The following WWOX variants were observed in gnomAD, a reference collection of about 807,000 sequenced individuals.
The protein encoded by WWOX is WW domain-containing oxidoreductase.
A neutral mutation model predicts 46.2 loss-of-function variants in WWOX; 69 were observed. The ratio of observed to expected loss-of-function variants is 1.49; its 90% CI spans 1.23 to 1.82. WWOX has a LOEUF of 1.82. Among genes scored for constraint, WWOX ranks in the 40% most tolerant of loss-of-function variants. The pLI is 0.00. For missense variants in WWOX, 919 were observed against 542.6 expected, an observed-to-expected ratio of 1.69 and a Z score of -6.89; for synonymous variants, 359 against 202.6, an observed-to-expected ratio of 1.77 and a Z score of -6.56.
Position 79,212,300 on chromosome 16 carries a change from G to C in WWOX, c.*504G>C. 1.0e-6 allele frequency: 1 copy of C among 975,014 alleles called. No individual in the cohort carries two copies. The highest frequency in any genetic ancestry group is 1.5e-6 in the Non-Finnish European group (1 of 685,506). 60.4% of individuals were successfully genotyped at this position (975,014 alleles called of 1,614,324 possible). On this transcript the variant is annotated 3_prime_UTR_variant, in exon 9 of 9. Transcript: ENST00000566780. ...CCAAGACTGAGCCAGCTTAGCAACT[G>C]CTGGGGAGACAAATCTCAGAACCTT...
At chr16:78,903,608 C>A (rs185501044) in intron 8 of WWOX, among the ~76,000 whole-genome samples, 1 of 152,322 alleles carries the variant, frequency 6.6e-6, no homozygotes, top group African/African-American at 2.4e-5. Context: ...GGTTTCCTTT[C>A]AGTTTGGTTC....
intron 8 of WWOX, among the ~76,000 whole-genome samples, chr16:78,871,793 G>C (rs1331190213): frequency 6.6e-6 from 1 of 152,102 alleles, no homozygotes; most frequent in Non-Finnish European, 1.5e-5. Flanking sequence ...TAGTAGAGAG[G>C]GGTTTCACCA....
At chr16:79,052,801 G>T (rs1024655973) in intron 8 of WWOX, among the ~76,000 whole-genome samples, 1 of 152,158 alleles carries the variant, frequency 6.6e-6, no homozygotes, top group African/African-American at 2.4e-5. Flanking sequence ...ATTCCTGTTC[G>T]AGTGCTATTT....
intron 8 of WWOX, among the ~76,000 whole-genome samples, chr16:78,812,348 G>A (rs993487929): frequency 3.3e-5 from 5 of 152,066 alleles, no homozygotes; most frequent in South Asian, 2.1e-4. Flanking sequence ...GGGTGACACC[G>A]ATTTAACATG....
chr16:78,747,540 G>T (rs2049377466), intron 8 of WWOX, among the ~76,000 whole-genome samples: 1 of 152,188 alleles, frequency 6.6e-6, no homozygotes, highest in South Asian at 2.1e-4. Context: ...CCTTCGTAAT[G>T]TTCAGATGAG....
At chr16:78,104,757 TTTTAA>T (rs2032035236) in intron 1 of WWOX, among the ~76,000 whole-genome samples, 1 of 152,168 alleles carries the variant, frequency 6.6e-6, no homozygotes, top group Non-Finnish European at 1.5e-5. Context: ...AAAGAACATC[TTTTAA>T]TTAATTTTTA....
intron 8 of WWOX, among the ~76,000 whole-genome samples, chr16:79,076,278 A>G (rs1322560020): frequency 3.9e-5 from 6 of 152,342 alleles, no homozygotes; most frequent in African/African-American, 1.2e-4. Flanking sequence ...TCTAAGTAAA[A>G]GAATCACTTT....
intron 8 of WWOX, among the ~76,000 whole-genome samples, chr16:78,722,703 T>C (rs1319270881): frequency 3.9e-5 from 4 of 103,550 alleles, no homozygotes; most frequent in Admixed American, 1.0e-4. Flanking sequence ...TCTCTGTTTT[T>C]TTTTTTTTTT....
intron 8 of WWOX, among the ~76,000 whole-genome samples, chr16:78,689,055 T>C (rs1019097824): frequency 6.6e-6 from 1 of 152,186 alleles, no homozygotes; most frequent in Admixed American, 6.5e-5. Context: ...CTCTTTGCTG[T>C]ATAAATTACC....
rs771691410 is a variant in WWOX, at chr16:78,919,443, G to C, written c.1057-292165G>C. 2.6e-5 allele frequency among the ~76,000 whole-genome samples: 4 copies of C among 151,760 alleles called. No homozygotes were observed. The South Asian group carries it at 6.2e-4, about 24-fold the overall frequency. ...ATCACCATTGGTAGATCATCACTTAGAATGCCATCACTACCTTCTAACAGC... is the reference window on the plus strand; with the variant it reads ...ATCACCATTGGTAGATCATCACTTACAATGCCATCACTACCTTCTAACAGC... On this transcript the variant is annotated intron_variant, in intron 8 of 8. Coordinates refer to ENST00000566780, the MANE Select transcript of WWOX (RefSeq NM_016373.4).
intron 8 of WWOX, among the ~76,000 whole-genome samples, chr16:79,146,815 C>A (rs532211169): frequency 1.6e-4 from 24 of 152,078 alleles, no homozygotes; most frequent in Non-Finnish European, 3.1e-4. Flanking sequence ...GGATTGGAGA[C>A]CCCAGCAGAA....
intron 8 of WWOX, among the ~76,000 whole-genome samples, chr16:78,482,562 T>C (rs1001362864): frequency 6.6e-6 from 1 of 152,186 alleles, no homozygotes; most frequent in Admixed American, 6.5e-5. Context: ...CCAGTATTTA[T>C]TGAATACTTA....
In WWOX at chr16:78,882,522, G is replaced by A. The variant is rs186239045; in HGVS notation, c.1057-329086G>A. 3.1e-3 allele frequency among the ~76,000 whole-genome samples: 463 copies of A among 150,930 alleles called. 4 individuals carry two copies. The highest frequency in any genetic ancestry group is 6.8e-3 in the Middle Eastern group (2 of 294). The stretch of plus-strand genomic sequence containing the variant: ...GATGGGGTCTCACTCTGTCACCCAG[G>A]CTGGCGTGCATTGGTGGGATCTCAG... On this transcript the variant is annotated intron_variant, in intron 8 of 8. Transcript: ENST00000566780.
At chr16:78,166,359 C>A (rs969561312) in intron 5 of WWOX, among the ~76,000 whole-genome samples, 34 of 152,264 alleles carry the variant, frequency 2.2e-4, no homozygotes, top group African/African-American at 7.9e-4. Context: ...ACAGTTCTCT[C>A]TTTCTTGCAT....
At chr16:78,901,558 G>T (rs1053204654) in intron 8 of WWOX, among the ~76,000 whole-genome samples, 1 of 152,172 alleles carries the variant, frequency 6.6e-6, no homozygotes, top group Non-Finnish European at 1.5e-5. Flanking sequence ...TAGGATCTTG[G>T]TTCACTGCAG....
At position 78,274,722 on chromosome 16, in the gene WWOX, G is replaced by A. The variant is rs77545879; in HGVS notation, c.516+110433G>A. Among the ~76,000 whole-genome samples, 169 of 152,146 alleles carry A rather than the reference G, an allele frequency of 1.1e-3. 2 individuals carry two copies. The South Asian group carries it at 0.017, about 16-fold the overall frequency. On this transcript the variant is annotated intron_variant, in intron 5 of 8. Transcript: ENST00000566780. ...CCTGGACATGTTCAATGCTGCTTTC[G>A]TTTCTTGGGCGAGGGCCCTAGAATC...
At chr16:78,480,184 A>T (rs552270037) in intron 8 of WWOX, among the ~76,000 whole-genome samples, 255 of 152,322 alleles carry the variant, frequency 1.7e-3, no homozygotes, top group African/African-American at 6.0e-3. Flanking sequence ...GCTCTGAAAT[A>T]GCAGCCACAT....
intron 8 of WWOX, among the ~76,000 whole-genome samples, chr16:78,438,719 C>T (rs59953392): frequency 0.012 from 1,777 of 152,204 alleles, 29 homozygotes; most frequent in African/African-American, 0.04. Flanking sequence ...AAATGGCTTA[C>T]GTTTATGGAA....
At chr16:78,483,235 CT>C (rs2084540687) in intron 8 of WWOX, among the ~76,000 whole-genome samples, 1 of 152,108 alleles carries the variant, frequency 6.6e-6, no homozygotes, top group African/African-American at 2.4e-5. Flanking sequence ...TTGAAAAATA[CT>C]CTGTCTTTAT....
Sources: gnomAD v4.1 joint callset for allele counts (sites outside exome capture counted in the v4.1 genomes callset) on GRCh38, gnomAD v4.1.1 for gene constraint, MANE v1.5 for transcripts, NCBI Gene and HGNC (gene_info 2026-07-23, HGNC 2026-07-21) for gene names.